The following MAGI2 variants were observed in gnomAD, a reference collection of about 807,000 sequenced individuals.
The protein encoded by MAGI2 is membrane-associated guanylate kinase, WW and PDZ domain-containing protein 2.
MAGI2 carries 35 observed loss-of-function variants against 133.3 expected under a neutral mutation model. The ratio of observed to expected loss-of-function variants is 0.26; its 90% CI spans 0.20 to 0.35. MAGI2 has a LOEUF of 0.35. MAGI2 is among the 10% of genes least tolerant of loss of function. The probability of loss-of-function intolerance (pLI) is 1.00; values close to 1 mark genes in which losing one functional copy is unlikely to be tolerated. For missense variants in MAGI2, 1,636 were observed against 1,863.4 expected (o/e 0.88, Z 2.25); for synonymous variants, 729 against 710.6 (o/e 1.03, Z -0.41).
chr7:79,223,146 A>G (rs552350208), intron 1 of MAGI2, among the ~76,000 whole-genome samples: 1 of 152,086 alleles, frequency 6.6e-6, no homozygotes, highest in South Asian at 2.1e-4. Context: ...CGGCCTCCCA[A>G]AGTGCTGGGA....
chr7:78,433,251 T>C (rs1342499161), intron 6 of MAGI2, among the ~76,000 whole-genome samples: 1 of 152,132 alleles, frequency 6.6e-6, no homozygotes, highest in Non-Finnish European at 1.5e-5. Flanking sequence ...GTAGTTTTAA[T>C]GGATACATTT....
chr7:78,495,974 A>G (rs1794053708), intron 5 of MAGI2, among the ~76,000 whole-genome samples: 1 of 152,202 alleles, frequency 6.6e-6, no homozygotes, highest in African/African-American at 2.4e-5. Context: ...CTAGTACGAT[A>G]TGTCAAGTAT....
chr7:79,143,154 C>T (rs756042449), intron 1 of MAGI2, among the ~76,000 whole-genome samples: 1 of 152,150 alleles, frequency 6.6e-6, no homozygotes, highest in African/African-American at 2.4e-5. Flanking sequence ...AATCAGTATA[C>T]ATAGTTTTCA....
At chr7:79,237,702 T>C (rs1832049524) in intron 1 of MAGI2, among the ~76,000 whole-genome samples, 1 of 152,188 alleles carries the variant, frequency 6.6e-6, no homozygotes, top group Admixed American at 6.5e-5. Flanking sequence ...AACGTGAGCA[T>C]TTTATCATAG....
intron 1 of MAGI2, among the ~76,000 whole-genome samples, chr7:79,434,888 T>G (rs1473912078): frequency 1.3e-5 from 2 of 152,206 alleles, no homozygotes; most frequent in African/African-American, 4.8e-5. Context: ...CCTCATTCAA[T>G]TAGTAGAAAG....
chr7:78,858,346 C>T (rs966871193), intron 2 of MAGI2, among the ~76,000 whole-genome samples: 6 of 151,932 alleles, frequency 3.9e-5, no homozygotes, highest in African/African-American at 1.2e-4. Context: ...GTGATATTAG[C>T]GTGTCAATTT....
At chr7:78,329,797 T>C (rs1788984187) in intron 9 of MAGI2, among the ~76,000 whole-genome samples, 1 of 152,214 alleles carries the variant, frequency 6.6e-6, no homozygotes. Context: ...TCCTACGGCA[T>C]ACTTACATGG....
intron 1 of MAGI2, among the ~76,000 whole-genome samples, chr7:79,131,704 A>T (rs148659536): frequency 6.6e-6 from 1 of 152,322 alleles, no homozygotes; most frequent in African/African-American, 2.4e-5. Context: ...AGAAAAAACT[A>T]CTTCAATTAC....
intron 9 of MAGI2, among the ~76,000 whole-genome samples, chr7:78,277,570 T>G (rs925847397): frequency 5.9e-5 from 9 of 152,112 alleles, no homozygotes; most frequent in Admixed American, 1.3e-4. Context: ...GAGTGGATTC[T>G]GAGGTAAGAG....
intron 2 of MAGI2, among the ~76,000 whole-genome samples, chr7:78,994,374 T>C (rs1806081933): frequency 6.6e-6 from 1 of 152,018 alleles, no homozygotes; most frequent in South Asian, 2.1e-4. Flanking sequence ...CTTTTTGGAG[T>C]CTTTGGGAGA....
intron 7 of MAGI2, among the ~76,000 whole-genome samples, chr7:78,353,455 G>T (rs1791730534): frequency 6.6e-6 from 1 of 152,172 alleles, no homozygotes; most frequent in Non-Finnish European, 1.5e-5. Flanking sequence ...TGGGACTAAG[G>T]AGTTTCCTGG....
chr7:78,203,322 C>T lies in MAGI2; in HGVS notation c.2048-2129G>A, dbSNP rs75179490. Among the ~76,000 whole-genome samples the T allele has an allele frequency of 7.4e-3, 1,134 of 152,246 alleles. 57 individuals are homozygous for T. In the East Asian group the frequency reaches 0.13, roughly 18 times the overall value. ...ATGGTGCTCTCATCTCCACATGAGA[C>T]GTTATCTTGAAAGATGATTTTCCCT... On this transcript the variant is annotated intron_variant, in intron 10 of 21. Transcript: ENST00000354212.
chr7:79,373,900 C>G (rs1356642455), intron 1 of MAGI2, among the ~76,000 whole-genome samples: 1 of 151,820 alleles, frequency 6.6e-6, no homozygotes, highest in East Asian at 1.9e-4. Flanking sequence ...TAAATAACAG[C>G]AAAAATTTTA....
intron 2 of MAGI2, among the ~76,000 whole-genome samples, chr7:78,949,625 T>G (rs1327244614): frequency 2.0e-5 from 3 of 152,198 alleles, no homozygotes; most frequent in Admixed American, 2.0e-4. Flanking sequence ...AAAAGTTTAT[T>G]ATCAAAGTTT....
chr7:78,751,456 G>C (rs986491640), intron 2 of MAGI2, among the ~76,000 whole-genome samples: 1 of 152,130 alleles, frequency 6.6e-6, no homozygotes, highest in African/African-American at 2.4e-5. Context: ...AACCTCACAC[G>C]AATGACCTAA....
Position 78,719,092 on chromosome 7 carries a change from C to T in MAGI2, c.419-91853G>A, listed in dbSNP as rs532953838. 1.9e-4 allele frequency among the ~76,000 whole-genome samples: 29 copies of T among 152,156 alleles called. No individual in the cohort carries two copies. In the South Asian group the frequency reaches 6.0e-3, roughly 32 times the overall value. On this transcript the variant is annotated intron_variant, in intron 2 of 21. Transcript: ENST00000354212. ...AAAATAGGATGAATATCTAGATTTA[C>T]CTGAAGAATTTCTCTGCCTCCAGCT...
chr7:78,402,112 A>C (rs1044824854), intron 6 of MAGI2, among the ~76,000 whole-genome samples: 31 of 152,172 alleles, frequency 2.0e-4, no homozygotes, highest in East Asian at 1.9e-4. Context: ...ATTTGTTTAC[A>C]TACCTGTCTC....
chr7:78,259,354 T>C (rs1359398845), intron 9 of MAGI2, among the ~76,000 whole-genome samples: 1 of 152,180 alleles, frequency 6.6e-6, no homozygotes, highest in Non-Finnish European at 1.5e-5. Context: ...TTATTAGCTG[T>C]ATAACTTTCC....
chr7:78,287,249 G>A (rs1419611182), intron 9 of MAGI2, among the ~76,000 whole-genome samples: 1 of 152,190 alleles, frequency 6.6e-6, no homozygotes, highest in Non-Finnish European at 1.5e-5. Context: ...TCTGAAGAGG[G>A]ATTGTCAAGG....
Sources: gnomAD v4.1 joint callset for allele counts (sites outside exome capture counted in the v4.1 genomes callset) on GRCh38, gnomAD v4.1.1 for gene constraint, MANE v1.5 for transcripts, NCBI Gene and HGNC (gene_info 2026-07-23, HGNC 2026-07-21) for gene names.